Variants in WWC2 observed in about 807,000 individuals in gnomAD.
WWC2 encodes WW and C2 domain containing 2, also known as protein WWC2.
In WWC2, 101 loss-of-function variants were observed where a neutral mutation model predicts 138.5. That is an observed-to-expected ratio of 0.73 (90% CI 0.62 to 0.86). The LOEUF (loss-of-function observed/expected upper bound fraction) is 0.86, where lower values mean the gene tolerates loss of function less well. Ranked by LOEUF, WWC2 falls within the 40% of genes least tolerant of loss-of-function variation. The pLI, the probability that WWC2 is intolerant of heterozygous loss-of-function variation, is 0.00. For synonymous variants in WWC2, 558 were observed against 538.4 expected (o/e 1.04, Z -0.50); for missense variants, 1,420 against 1,419.4 (o/e 1.00, Z -0.01).
At chr4:183,230,818 A>C (rs1736222169) in intron 4 of WWC2, among the ~76,000 whole-genome samples, 1 of 152,236 alleles carries the variant, frequency 6.6e-6, no homozygotes. Flanking sequence ...GAGCAAATAA[A>C]AAAGTACAGG....
chr4:183,237,881 AC>A (rs1736478856), intron 4 of WWC2, among the ~76,000 whole-genome samples: 1 of 151,616 alleles, frequency 6.6e-6, no homozygotes, highest in Non-Finnish European at 1.5e-5. Flanking sequence ...TTTTCCTCTT[AC>A]ATCTCTTGCC....
At chr4:183,199,899 G>A (rs1348410163) in intron 2 of WWC2, among the ~76,000 whole-genome samples, 2 of 152,172 alleles carry the variant, frequency 1.3e-5, no homozygotes, top group African/African-American at 2.4e-5. Flanking sequence ...AGCTCCCAAG[G>A]CCACTGGGTC....
chr4:183,227,440 T>C (rs1373759286), intron 4 of WWC2, among the ~76,000 whole-genome samples: 1 of 152,010 alleles, frequency 6.6e-6, no homozygotes, highest in Non-Finnish European at 1.5e-5. Context: ...AACAAAGAAC[T>C]GGCAGGATAA....
chr4:183,264,086 G>C (rs75219239), intron 11 of WWC2, among the ~76,000 whole-genome samples: 119 of 152,292 alleles, frequency 7.8e-4, no homozygotes, highest in African/African-American at 2.7e-3. Flanking sequence ...CTTCACAAAG[G>C]GGGGTGGGCG....
At chr4:183,107,790 A>G (rs1732083102) in intron 1 of WWC2, among the ~76,000 whole-genome samples, 1 of 151,814 alleles carries the variant, frequency 6.6e-6, no homozygotes, top group Non-Finnish European at 1.5e-5. Flanking sequence ...TCAACCAGCC[A>G]GGTACCCTGG....
At chr4:183,209,867 CT>C (rs1014216805) in intron 4 of WWC2, among the ~76,000 whole-genome samples, 6 of 152,332 alleles carry the variant, frequency 3.9e-5, no homozygotes, top group Admixed American at 2.0e-4. Flanking sequence ...CCAATACCCC[CT>C]GGTCATGAAC....
At chr4:183,120,753 A>C (rs1216656993) in intron 1 of WWC2, among the ~76,000 whole-genome samples, 4 of 152,228 alleles carry the variant, frequency 2.6e-5, no homozygotes, top group Non-Finnish European at 5.9e-5. Flanking sequence ...GGATGTGAAC[A>C]ATAAAATACA....
intron 9 of WWC2, among the ~76,000 whole-genome samples, chr4:183,254,928 G>T (rs754909576): frequency 1.3e-5 from 2 of 152,122 alleles, no homozygotes; most frequent in African/African-American, 2.4e-5. Flanking sequence ...TAAATGTTAG[G>T]GTTGCATGGC....
chr4:183,300,208 C>T (rs1338547671), intron 21 of WWC2, among the ~76,000 whole-genome samples: 3 of 152,120 alleles, frequency 2.0e-5, no homozygotes, highest in Non-Finnish European at 4.4e-5. Flanking sequence ...CTGGAGTCCT[C>T]AGCATTCCAA....
In WWC2 at chr4:183,264,605, G is replaced by C. The variant is rs528263807; in HGVS notation, c.1910-373G>C. 5.9e-5 allele frequency among the ~76,000 whole-genome samples: 9 copies of C among 152,316 alleles called. No individual in the cohort carries two copies. In the East Asian group the frequency reaches 7.7e-4, roughly 13 times the overall value. On this transcript the variant is annotated intron_variant, in intron 11 of 22. Coordinates refer to ENST00000403733, the MANE Select transcript of WWC2 (RefSeq NM_024949.6). ...CATTGAGTAGCTAGAAGCTCTCTCT[G>C]TGATAGAAATGTCACTTGAGGGAGA...
intron 4 of WWC2, among the ~76,000 whole-genome samples, chr4:183,221,931 A>G (rs1169731088): frequency 6.6e-6 from 1 of 152,216 alleles, no homozygotes; most frequent in Non-Finnish European, 1.5e-5. Context: ...GCATATACCC[A>G]TACAACGAAT....
At chr4:183,236,380 T>C (rs1395018746) in intron 4 of WWC2, among the ~76,000 whole-genome samples, 1 of 151,678 alleles carries the variant, frequency 6.6e-6, no homozygotes, top group Non-Finnish European at 1.5e-5. Flanking sequence ...AGGGGTGCCT[T>C]GTGGTCAGAA....
chr4:183,113,097 A>C (rs1326992484), intron 1 of WWC2, among the ~76,000 whole-genome samples: 1 of 151,904 alleles, frequency 6.6e-6, no homozygotes, highest in Admixed American at 6.6e-5. Context: ...ACATGGCAAA[A>C]CCCCATCTCT....
chr4:183,192,005 G>A (rs1025405373), intron 1 of WWC2, among the ~76,000 whole-genome samples: 4 of 152,192 alleles, frequency 2.6e-5, no homozygotes, highest in African/African-American at 7.2e-5. Context: ...AATTACAGGC[G>A]TGAGCCACGG....
At chr4:183,213,144 A>G (rs115410956) in intron 4 of WWC2, among the ~76,000 whole-genome samples, 2,537 of 152,294 alleles carry the variant, frequency 0.017, 76 homozygotes, top group African/African-American at 0.058. Context: ...TGGTCCTCAC[A>G]GACTGTGTTG....
chr4:183,230,024 C>T (rs991510494), intron 4 of WWC2, among the ~76,000 whole-genome samples: 2 of 151,890 alleles, frequency 1.3e-5, no homozygotes, highest in African/African-American at 2.4e-5. Context: ...GGGGTTTTGC[C>T]GCATTGCCTA....
At chr4:183,128,915 T>G (rs2111066016) in intron 1 of WWC2, among the ~76,000 whole-genome samples, 1 of 152,340 alleles carries the variant, frequency 6.6e-6, no homozygotes. Flanking sequence ...AAATATAGAC[T>G]TACTAGCTTT....
intron 2 of WWC2, among the ~76,000 whole-genome samples, chr4:183,202,806 A>G (rs1735338901): frequency 1.3e-5 from 2 of 152,178 alleles, no homozygotes; most frequent in Admixed American, 6.5e-5. Flanking sequence ...AGTTCTAGAC[A>G]CAGATGCTCT....
chr4:183,245,307 C>T, intron 5 of WWC2, 109 bp from the exon 6 acceptor site: 1 of 894,670 alleles, frequency 1.1e-6, no homozygotes, highest in Non-Finnish European at 1.5e-6. Flanking sequence ...TGACAGTCAG[C>T]AGTGAAATAA....
Sources: allele counts gnomAD v4.1 joint callset (sites outside exome capture counted in the v4.1 genomes callset), GRCh38; gene constraint gnomAD v4.1.1; transcripts MANE v1.5; gene names NCBI Gene and HGNC (gene_info 2026-07-23, HGNC 2026-07-21).